Variants in CDH13 observed in about 807,000 individuals in gnomAD.
CDH13 encodes cadherin 13.
CDH13 carries 24 observed loss-of-function variants against 63.8 expected under a neutral mutation model. The ratio of observed to expected loss-of-function variants is 0.38; its 90% confidence interval spans 0.27 to 0.53. The LOEUF is 0.53. Ranked by LOEUF, CDH13 falls within the 20% of genes least tolerant of loss-of-function variation. The pLI is 0.85. For missense variants in CDH13, 1,049 were observed against 903.1 expected, an observed-to-expected ratio of 1.16 and a Z score of -2.07; for synonymous variants, 503 against 355.3, an observed-to-expected ratio of 1.42 and a Z score of -4.67.
intron 4 of CDH13, among the ~76,000 whole-genome samples, chr16:83,135,094 G>C (rs8054536): frequency 0.52 from 79,032 of 152,072 alleles, 22,414 homozygotes; most frequent in African/African-American, 0.76. Flanking sequence ...GGACTAGAAT[G>C]TTCACTACCT....
chr16:83,692,597 C>A (rs1187383389), intron 10 of CDH13, among the ~76,000 whole-genome samples: 1 of 152,180 alleles, frequency 6.6e-6, no homozygotes, highest in Non-Finnish European at 1.5e-5. Context: ...TCATAAACTT[C>A]CTTATTTTGC....
In CDH13 at chr16:83,678,278, C is replaced by T. The variant is rs764916660; in HGVS notation, c.1355C>T (p.Pro452Leu). The change falls in exon 10 of 14, where the codon CCC (proline) becomes CTC (leucine). Residue 452 changes from proline (P) to leucine (L), a missense_variant. Coordinates refer to ENST00000567109, the MANE Select transcript of CDH13 (RefSeq NM_001257.5). ...GTGGAAAATGAAGACCCACTCGTAC[C>T]CGACGTCTCCTACGGCCCCAGCTCC... ...IKVENEDPLV[P>L]DVSYGPSSTA... is the part of the protein sequence containing the mutation. 9 of 1,613,836 alleles carry T rather than the reference C, an allele frequency of 5.6e-6. No individual in the cohort carries two copies. The South Asian group carries it at 7.7e-5, about 14-fold the overall frequency.
chr16:82,786,903 G>C (rs1043369913), intron 1 of CDH13, among the ~76,000 whole-genome samples: 1 of 152,052 alleles, frequency 6.6e-6, no homozygotes, highest in Non-Finnish European at 1.5e-5. Context: ...TTGTTTTTAA[G>C]GGTATTGGAC....
chr16:83,043,602 T>C (rs1220578578), intron 3 of CDH13, among the ~76,000 whole-genome samples: 1 of 151,920 alleles, frequency 6.6e-6, no homozygotes, highest in East Asian at 1.9e-4. Flanking sequence ...CTCACACCTG[T>C]AATCCCAGCA....
chr16:83,736,767 A>G (rs1911578463), intron 10 of CDH13, among the ~76,000 whole-genome samples: 4 of 152,196 alleles, frequency 2.6e-5, no homozygotes, highest in Non-Finnish European at 2.9e-5. Context: ...GCAAAATCTT[A>G]TTGCAGGCAC....
intron 3 of CDH13, among the ~76,000 whole-genome samples, chr16:83,119,614 C>T (rs1201172785): frequency 6.6e-6 from 1 of 152,190 alleles, no homozygotes; most frequent in Non-Finnish European, 1.5e-5. Flanking sequence ...TTTGTCACCA[C>T]CATTTTTGTG....
chr16:83,236,207 GAGAT>G (rs1293904046), intron 5 of CDH13, among the ~76,000 whole-genome samples: 2 of 145,932 alleles, frequency 1.4e-5, no homozygotes, highest in African/African-American at 5.1e-5. Context: ...TAAGAACTGA[GAGAT>G]AGCCCCCTGC....
chr16:82,755,211 C>G (rs1597481698), intron 1 of CDH13, among the ~76,000 whole-genome samples: 2 of 152,282 alleles, frequency 1.3e-5, no homozygotes, highest in Middle Eastern at 6.8e-3. Flanking sequence ...CCATGTTTCC[C>G]TTTTTCTCTG....
intron 1 of CDH13, among the ~76,000 whole-genome samples, chr16:82,697,976 G>C (rs974381073): frequency 1.3e-5 from 2 of 152,142 alleles, no homozygotes; most frequent in African/African-American, 4.8e-5. Context: ...TGAGCTCCTT[G>C]AGGATATGGC....
At chr16:83,710,758 C>A (rs1200293274) in intron 10 of CDH13, among the ~76,000 whole-genome samples, 1 of 152,140 alleles carries the variant, frequency 6.6e-6, no homozygotes, top group Non-Finnish European at 1.5e-5. Flanking sequence ...CGCTTAGCAC[C>A]GTGACTGCCA....
intron 1 of CDH13, among the ~76,000 whole-genome samples, chr16:82,721,040 A>G (rs1352338458): frequency 6.6e-6 from 1 of 152,258 alleles, no homozygotes; most frequent in Non-Finnish European, 1.5e-5. Context: ...CATTCATTTT[A>G]TACATAATGG....
At chr16:83,395,810 A>T (rs2091876850) in intron 6 of CDH13, among the ~76,000 whole-genome samples, 1 of 152,088 alleles carries the variant, frequency 6.6e-6, no homozygotes, top group Non-Finnish European at 1.5e-5. Context: ...TTTAACTTTT[A>T]AGTTGAGGAG....
At chr16:83,459,445 ATGTT>A (rs2073116928) in intron 6 of CDH13, among the ~76,000 whole-genome samples, 1 of 152,244 alleles carries the variant, frequency 6.6e-6, no homozygotes, top group South Asian at 2.1e-4. Context: ...TTATTTCAAA[ATGTT>A]TGTTTACTTT....
In CDH13 at chr16:83,215,928, C is replaced by A. The variant is rs140479930; in HGVS notation, c.484-1417C>A. On this transcript the variant is annotated intron_variant, in intron 4 of 13. Coordinates refer to ENST00000567109, the MANE Select transcript of CDH13 (RefSeq NM_001257.5). ...ATAGATGAATACTTGAGGGTAAACT[C>A]TAGATTCCACTTATGCCAATAATAG... 2.0e-5 allele frequency among the ~76,000 whole-genome samples: 3 copies of A among 152,040 alleles called. No individual in the cohort carries two copies. In the East Asian group the frequency reaches 5.8e-4, roughly 29 times the overall value.
intron 2 of CDH13, among the ~76,000 whole-genome samples, chr16:82,964,434 G>A (rs1907510767): frequency 6.6e-6 from 1 of 152,200 alleles, no homozygotes; most frequent in Non-Finnish European, 1.5e-5. Context: ...AAAGCAGACA[G>A]CGGCTTAGCC....
intron 4 of CDH13, among the ~76,000 whole-genome samples, chr16:83,215,512 A>T (rs1027159585): frequency 5.9e-5 from 9 of 151,830 alleles, no homozygotes; most frequent in African/African-American, 2.2e-4. Flanking sequence ...AAAAAAAAAA[A>T]ACCTGTAATG....
intron 6 of CDH13, among the ~76,000 whole-genome samples, chr16:83,467,646 C>G (rs1177927353): frequency 6.6e-6 from 1 of 152,186 alleles, no homozygotes; most frequent in African/African-American, 2.4e-5. Context: ...CTGTGTGCTT[C>G]TCATATTTGG....
intron 5 of CDH13, among the ~76,000 whole-genome samples, chr16:83,238,740 TTTTGTTTG>T (rs112488110): frequency 1.9e-4 from 28 of 150,776 alleles, no homozygotes; most frequent in Admixed American, 3.3e-4. Context: ...ATATGTGTTT[TTTTGTTTG>T]TTTGTTTGTT....
chr16:83,465,148 C>A (rs1447370053), intron 6 of CDH13, among the ~76,000 whole-genome samples: 1 of 152,146 alleles, frequency 6.6e-6, no homozygotes, highest in Admixed American at 6.5e-5. Flanking sequence ...ACGAGCTAAA[C>A]AAATGAATTT....
Sources: gnomAD v4.1 joint callset for allele counts (sites outside exome capture counted in the v4.1 genomes callset) on GRCh38, gnomAD v4.1.1 for gene constraint, MANE v1.5 for transcripts, NCBI Gene and HGNC (gene_info 2026-07-23, HGNC 2026-07-21) for gene names.